Variants in GAREM1 observed in about 807,000 individuals in gnomAD.
The protein encoded by GAREM1 is GRB2-associated and regulator of MAPK protein 1.
In GAREM1, 26 loss-of-function variants were observed where a neutral mutation model predicts 71.3. The ratio of observed to expected loss-of-function variants is 0.36; its 90% confidence interval spans 0.27 to 0.51. The LOEUF (loss-of-function observed/expected upper bound fraction) is 0.51, where lower values mean the gene tolerates loss of function less well. GAREM1 is among the 20% of genes least tolerant of loss of function. The probability of loss-of-function intolerance (pLI) is 0.95; values close to 1 mark genes in which losing one functional copy is unlikely to be tolerated. For missense variants in GAREM1, 1,026 were observed against 1,103.1 expected, an observed-to-expected ratio of 0.93 and a Z score of 0.99; for synonymous variants, 440 against 433.2, an observed-to-expected ratio of 1.02 and a Z score of -0.20.
chr18:32,298,568 T>C (rs960626189), intron 3 of GAREM1, among the ~76,000 whole-genome samples: 4 of 152,192 alleles, frequency 2.6e-5, no homozygotes, highest in Admixed American at 2.6e-4. Flanking sequence ...TTTTACTTTT[T>C]ACCGCTCATA....
At chr18:32,382,281 A>C (rs2048104782) in intron 2 of GAREM1, among the ~76,000 whole-genome samples, 2 of 152,164 alleles carry the variant, frequency 1.3e-5, no homozygotes, top group South Asian at 4.2e-4. Context: ...AAGGGGAAGG[A>C]TCTACCTGGT....
At chr18:32,394,065 C>T (rs1165304918) in intron 1 of GAREM1, among the ~76,000 whole-genome samples, 1 of 152,130 alleles carries the variant, frequency 6.6e-6, no homozygotes, top group African/African-American at 2.4e-5. Context: ...ACTTGGCTAT[C>T]CCAACCTAAA....
intron 1 of GAREM1, among the ~76,000 whole-genome samples, chr18:32,395,901 G>C (rs2048250121): frequency 6.6e-6 from 1 of 152,136 alleles, no homozygotes. Flanking sequence ...AGCTTAACTG[G>C]GAAGCACCCC....
At chr18:32,422,327 T>C (rs956909281) in intron 1 of GAREM1, among the ~76,000 whole-genome samples, 2 of 152,192 alleles carry the variant, frequency 1.3e-5, no homozygotes, top group Admixed American at 1.3e-4. Context: ...AGTGAAGCCT[T>C]TGCTGGCATG....
At chr18:32,453,660 G>T (rs763481106) in intron 1 of GAREM1, among the ~76,000 whole-genome samples, 1 of 152,098 alleles carries the variant, frequency 6.6e-6, no homozygotes, top group African/African-American at 2.4e-5. Flanking sequence ...AGGTAATCCA[G>T]AATGAACTCC....
chr18:32,270,168 T>G, intron 5 of GAREM1, 49 bp downstream of exon 5: 1 of 1,590,252 alleles, frequency 6.3e-7, no homozygotes, highest in South Asian at 1.1e-5. Context: ...ACCCATGAAC[T>G]GGTGGATGAG....
rs1321497892 is a variant in GAREM1 at position 32,412,100 on chromosome 18, G to A, written c.122-19065C>T. On this transcript the variant is annotated intron_variant, in intron 1 of 5. Transcript: ENST00000269209. ...TATTTGTCTAAAACATGTCTTCTTTGTAGCAGCTAGGCCCTGCCACCACTG... is the reference window on the plus strand; with the variant it reads ...TATTTGTCTAAAACATGTCTTCTTTATAGCAGCTAGGCCCTGCCACCACTG... The A allele has an allele frequency of 8.0e-6, 6 of 748,504 alleles. No individual in the cohort carries two copies. In the Admixed American group the frequency reaches 1.0e-4, roughly 12 times the overall value. The allele number at this position is 748,504 out of a possible 1,614,324, so 46.4% of individuals were successfully genotyped here.
intron 1 of GAREM1, among the ~76,000 whole-genome samples, chr18:32,400,305 A>C (rs1394833154): frequency 6.6e-6 from 1 of 152,206 alleles, no homozygotes; most frequent in Non-Finnish European, 1.5e-5. Context: ...ATGGCAACTA[A>C]AGCCAAAATT....
chr18:32,328,695 G>A (rs182429749), intron 2 of GAREM1, among the ~76,000 whole-genome samples: 21 of 152,250 alleles, frequency 1.4e-4, no homozygotes, highest in Admixed American at 9.2e-4. Flanking sequence ...TTAGTCTCTG[G>A]TGCTGGTAAA....
chr18:32,401,832 G>A (rs1567996894), intron 1 of GAREM1, among the ~76,000 whole-genome samples: 1 of 152,282 alleles, frequency 6.6e-6, no homozygotes, highest in East Asian at 1.9e-4. Flanking sequence ...AGGCAGCCAA[G>A]AAACAACTGC....
chr18:32,388,224 A>G (rs2048166146), intron 2 of GAREM1, among the ~76,000 whole-genome samples: 1 of 152,244 alleles, frequency 6.6e-6, no homozygotes, highest in South Asian at 2.1e-4. Context: ...CCACAAGTCC[A>G]TGCTCATAAT....
rs1018762918 is a variant in GAREM1 at position 32,422,215 on chromosome 18, C to T, written c.122-29180G>A. ...CGCTGTGTTCTCATTGTTCAATTCT[C>T]GCCTATGAGTGAGAACATGCGGTGT... On this transcript the variant is annotated intron_variant, in intron 1 of 5. Transcript: ENST00000269209. Among the ~76,000 whole-genome samples, 4 of 151,998 alleles carry T rather than the reference C, an allele frequency of 2.6e-5. No homozygotes were observed. The South Asian group carries it at 6.2e-4, about 24-fold the overall frequency.
intron 1 of GAREM1, among the ~76,000 whole-genome samples, chr18:32,436,539 A>G (rs13381184): frequency 0.094 from 14,292 of 152,244 alleles, 803 homozygotes; most frequent in African/African-American, 0.16. Context: ...CTGTTGCTAA[A>G]TACCAATGTT....
At chr18:32,434,785 G>T (rs1365562159) in intron 1 of GAREM1, among the ~76,000 whole-genome samples, 2 of 152,074 alleles carry the variant, frequency 1.3e-5, no homozygotes, top group African/African-American at 4.8e-5. Flanking sequence ...AAGATCCAAC[G>T]GTGAATGCTA....
At position 32,427,713 on chromosome 18, in the gene GAREM1, T is replaced by A. The variant is rs533805188; in HGVS notation, c.122-34678A>T. Among the ~76,000 whole-genome samples the A allele has an allele frequency of 2.0e-5, 3 of 152,294 alleles. No individual in the cohort carries two copies. In the South Asian group the frequency reaches 6.2e-4, roughly 32 times the overall value. ...TGGGTTTAAATTAAGCATCTAACCT[T>A]GGAGAGAAAAACTGGCATTAAGCTC... On this transcript the variant is annotated intron_variant, in intron 1 of 5. Transcript: ENST00000269209.
intron 2 of GAREM1, among the ~76,000 whole-genome samples, chr18:32,378,589 C>T (rs1473974083): frequency 6.6e-6 from 1 of 152,040 alleles, no homozygotes; most frequent in Non-Finnish European, 1.5e-5. Context: ...CATGATGCTC[C>T]AATGGGAGGG....
At chr18:32,269,081 C>T (rs1226519066) in intron 5 of GAREM1, among the ~76,000 whole-genome samples, 1 of 152,100 alleles carries the variant, frequency 6.6e-6, no homozygotes, top group Non-Finnish European at 1.5e-5. Context: ...CGTGTAGGCT[C>T]TGCACCAACA....
chr18:32,374,357 A>G (rs2048013351), intron 2 of GAREM1, among the ~76,000 whole-genome samples: 2 of 152,200 alleles, frequency 1.3e-5, no homozygotes, highest in Non-Finnish European at 2.9e-5. Context: ...ATATACGTTT[A>G]TATGTTCTTG....
intron 1 of GAREM1, among the ~76,000 whole-genome samples, chr18:32,435,224 AATGTGGG>A (rs1292217967): frequency 6.6e-6 from 1 of 152,164 alleles, no homozygotes; most frequent in Non-Finnish European, 1.5e-5. Flanking sequence ...AGCTGAATGC[AATGTGGG>A]ATACTAGATT....
Sources: gnomAD v4.1 joint callset for allele counts (sites outside exome capture counted in the v4.1 genomes callset) on GRCh38, gnomAD v4.1.1 for gene constraint, MANE v1.5 for transcripts, NCBI Gene and HGNC (gene_info 2026-07-23, HGNC 2026-07-21) for gene names.